Variants in PIK3C2G observed in about 807,000 individuals in gnomAD.
The protein encoded by PIK3C2G is phosphatidylinositol-4-phosphate 3-kinase catalytic subunit type 2 gamma, also known as phosphatidylinositol 3-kinase C2 domain-containing subunit gamma.
In PIK3C2G, 168 loss-of-function variants were observed where a neutral mutation model predicts 181.1. That is an observed-to-expected ratio of 0.93 (90% CI 0.82 to 1.05). The LOEUF (loss-of-function observed/expected upper bound fraction) is 1.05, where lower values mean the gene tolerates loss of function less well. Ranked by LOEUF, PIK3C2G falls within the 50% of genes least tolerant of loss-of-function variation. PIK3C2G has a pLI of 0.00. For missense variants in PIK3C2G, 1,869 were observed against 1,732.8 expected (o/e 1.08, Z -1.40); for synonymous variants, 573 against 592.2 (o/e 0.97, Z 0.47).
intron 15 of PIK3C2G, among the ~76,000 whole-genome samples, chr12:18,392,188 C>T (rs188142640): frequency 1.8e-4 from 28 of 152,136 alleles, no homozygotes; most frequent in Non-Finnish European, 2.4e-4. Context: ...GTTGAGAAGA[C>T]ATAACTTGAT....
In PIK3C2G at chr12:18,495,289, T is replaced by C. The variant is rs1283366459; in HGVS notation, c.2794-773T>C. On this transcript the variant is annotated intron_variant, in intron 20 of 32. Transcript: ENST00000538779. ...AGACATACAGCTTTTCAATGCTTAA[T>C]TGTAAGAAAATAAGAGGAAAACAGG... 2.0e-5 allele frequency among the ~76,000 whole-genome samples: 3 copies of C among 152,088 alleles called. No homozygotes were observed. The East Asian group carries it at 5.8e-4, about 30-fold the overall frequency.
intron 22 of PIK3C2G, among the ~76,000 whole-genome samples, chr12:18,501,127 C>A (rs535064319): frequency 6.6e-6 from 1 of 152,192 alleles, no homozygotes; most frequent in Non-Finnish European, 1.5e-5. Context: ...CGAAGGTCCG[C>A]GGCTTCATTC....
At chr12:18,264,567 G>A (rs1011219507) in intron 1 of PIK3C2G, among the ~76,000 whole-genome samples, 2 of 151,848 alleles carry the variant, frequency 1.3e-5, no homozygotes, top group Non-Finnish European at 2.9e-5. Flanking sequence ...CTGAGATCAC[G>A]TTGGCTTCCT....
At chr12:18,682,378 T>C in the PIK3C2G span, among the ~76,000 whole-genome samples, 1 of 152,152 alleles carries the variant, frequency 6.6e-6, no homozygotes, top group Non-Finnish European at 1.5e-5. Context: ...GTCCCTGACT[T>C]TGTCAAACTT....
chr12:18,395,653 T>G lies in PIK3C2G; in HGVS notation c.2127-4006T>G, dbSNP rs1000938540. Reference sequence around the variant, plus strand: ...TTTATTAATTTATTTAAAAAGTGATTGAAGAAAAATGAATCACAATGTACT... The same window carrying G: ...TTTATTAATTTATTTAAAAAGTGATGGAAGAAAAATGAATCACAATGTACT... On this transcript the variant is annotated intron_variant, in intron 15 of 32. Coordinates refer to ENST00000538779, the MANE Select transcript of PIK3C2G (RefSeq NM_001288772.2). 1.4e-4 allele frequency among the ~76,000 whole-genome samples: 21 copies of G among 150,798 alleles called. No individual in the cohort carries two copies. The South Asian group carries it at 4.2e-3, about 30-fold the overall frequency.
intron 18 of PIK3C2G, among the ~76,000 whole-genome samples, chr12:18,457,640 C>T (rs1470175624): frequency 6.6e-6 from 1 of 152,078 alleles, no homozygotes; most frequent in African/African-American, 2.4e-5. Flanking sequence ...GATTCTGAAA[C>T]TCTTCAATCT....
chr12:18,391,006 G>C (rs1943498937), intron 14 of PIK3C2G, 116 bp from the exon 15 acceptor site: 1 of 665,008 alleles, frequency 1.5e-6, no homozygotes, highest in Admixed American at 4.1e-5. Flanking sequence ...AAATAGCACA[G>C]AAAAAATAGA....
At chr12:18,395,084 C>CTTCTTTCTTTCTTTCTTTCTTTCT (rs1211076005) in intron 15 of PIK3C2G, among the ~76,000 whole-genome samples, 2,547 of 141,534 alleles carry the variant, frequency 0.018, 36 homozygotes, top group East Asian at 0.03. Context: ...TCTTTCATTC[C>CTTCTTTCTTTCTTTCTTTCTTTCT]TTCTTTCTTT....
the PIK3C2G span, among the ~76,000 whole-genome samples, chr12:18,717,946 C>T: frequency 5.9e-5 from 9 of 152,122 alleles, no homozygotes; most frequent in African/African-American, 1.9e-4. Flanking sequence ...GATACTCCGT[C>T]GCACGATGTT....
intron 30 of PIK3C2G, among the ~76,000 whole-genome samples, chr12:18,609,091 T>C (rs987609268): frequency 6.6e-6 from 1 of 152,136 alleles, no homozygotes; most frequent in Non-Finnish European, 1.5e-5. Context: ...TATTTCCATT[T>C]TATATAAAGT....
chr12:18,384,355 A>C (rs540777768), intron 14 of PIK3C2G, among the ~76,000 whole-genome samples: 48 of 152,296 alleles, frequency 3.2e-4, no homozygotes, highest in African/African-American at 1.1e-3. Flanking sequence ...TCTTCAACAG[A>C]GTAATATGAA....
intron 28 of PIK3C2G, among the ~76,000 whole-genome samples, chr12:18,565,014 G>T (rs1945552981): frequency 6.6e-6 from 1 of 152,152 alleles, no homozygotes; most frequent in African/African-American, 2.4e-5. Context: ...CATTACTGCT[G>T]CCTGGAGGTT....
chr12:18,439,129 G>A (rs541032398), intron 18 of PIK3C2G, among the ~76,000 whole-genome samples: 2 of 152,050 alleles, frequency 1.3e-5, no homozygotes, highest in South Asian at 4.1e-4. Context: ...AACAGAGTTT[G>A]AAATGAGTAA....
intron 15 of PIK3C2G, among the ~76,000 whole-genome samples, chr12:18,395,546 C>T (rs1943831017): frequency 6.8e-6 from 1 of 147,278 alleles, no homozygotes; most frequent in African/African-American, 2.5e-5. Flanking sequence ...GAAAATCATA[C>T]TAGATGGAAA....
chr12:18,688,963 A>G, the PIK3C2G span, among the ~76,000 whole-genome samples: 2 of 152,058 alleles, frequency 1.3e-5, no homozygotes, highest in Non-Finnish European at 2.9e-5. Context: ...GGAATAAAGA[A>G]AGGAAAAGAG....
At chr12:18,701,116 T>C in the PIK3C2G span, among the ~76,000 whole-genome samples, 3 of 151,884 alleles carry the variant, frequency 2.0e-5, no homozygotes, top group East Asian at 5.9e-4. Context: ...TCACAAGTAG[T>C]TGGAACTACA....
intron 27 of PIK3C2G, 126 bp from the exon 28 acceptor site, chr12:18,563,251 C>T (rs1945442064): frequency 1.2e-6 from 1 of 834,824 alleles, no homozygotes; most frequent in Admixed American, 3.0e-5. Flanking sequence ...AATGCATCTC[C>T]TAGCTTTTAT....
chr12:18,495,694 T>A (rs2136082408), intron 20 of PIK3C2G, among the ~76,000 whole-genome samples: 1 of 152,270 alleles, frequency 6.6e-6, no homozygotes, highest in Non-Finnish European at 1.5e-5. Context: ...GGAAATAAAG[T>A]TTTTAAAATA....
At chr12:18,318,247 T>C (rs563135515) in intron 6 of PIK3C2G, among the ~76,000 whole-genome samples, 7 of 152,306 alleles carry the variant, frequency 4.6e-5, no homozygotes, top group East Asian at 1.9e-4. Context: ...GAAATTTCTA[T>C]ATGTAACAAG....
Sources: gnomAD v4.1 joint callset for allele counts (sites outside exome capture counted in the v4.1 genomes callset) on GRCh38, gnomAD v4.1.1 for gene constraint, MANE v1.5 for transcripts, NCBI Gene and HGNC (gene_info 2026-07-23, HGNC 2026-07-21) for gene names.